The following GPHN variants were observed in gnomAD, a reference collection of about 807,000 sequenced individuals.
GPHN encodes gephyrin.
Under a neutral mutation model 95.5 loss-of-function variants are expected in GPHN, and 17 were observed. The ratio of observed to expected loss-of-function variants is 0.18; its 90% CI spans 0.12 to 0.27. The LOEUF (loss-of-function observed/expected upper bound fraction) is 0.27, where lower values mean the gene tolerates loss of function less well. Ranked by LOEUF, GPHN falls within the 10% of genes least tolerant of loss-of-function variation. The pLI is 1.00. For synonymous variants in GPHN, 320 were observed against 322.5 expected (o/e 0.99, Z 0.08); for missense variants, 660 against 978.1 (o/e 0.67, Z 4.34).
chr14:66,959,660 C>T (rs1229309265), intron 8 of GPHN, among the ~76,000 whole-genome samples: 2 of 152,018 alleles, frequency 1.3e-5, no homozygotes, highest in Admixed American at 6.6e-5. Context: ...TCAGAATTCT[C>T]TCTTCATCTT....
the GPHN span, among the ~76,000 whole-genome samples, chr14:67,407,899 A>G: frequency 1.3e-5 from 2 of 152,286 alleles, no homozygotes; most frequent in South Asian, 4.1e-4. Context: ...CTTGAGCTCA[A>G]GAGCTCAACA....
At chr14:66,768,409 T>G (rs2059041925) in intron 2 of GPHN, among the ~76,000 whole-genome samples, 1 of 151,992 alleles carries the variant, frequency 6.6e-6, no homozygotes, top group Non-Finnish European at 1.5e-5. Flanking sequence ...AAAATTCTAT[T>G]TCATACCTGC....
chr14:66,954,582 G>GTT (rs1463877186), intron 8 of GPHN, among the ~76,000 whole-genome samples: 2 of 152,142 alleles, frequency 1.3e-5, no homozygotes, highest in African/African-American at 4.8e-5. Flanking sequence ...TGTGAATATA[G>GTT]TTCTACGTCC....
At chr14:66,936,819 G>C (rs899708471) in intron 8 of GPHN, among the ~76,000 whole-genome samples, 2 of 152,146 alleles carry the variant, frequency 1.3e-5, no homozygotes, top group African/African-American at 4.8e-5. Flanking sequence ...AAGATATACA[G>C]GCCAATGAGT....
intron 8 of GPHN, among the ~76,000 whole-genome samples, chr14:66,937,471 C>T (rs1172675201): frequency 6.6e-6 from 1 of 151,816 alleles, no homozygotes; most frequent in Non-Finnish European, 1.5e-5. Context: ...ACCTCCACTT[C>T]CCGGGTTCAA....
chr14:66,701,102 G>C (rs1372821337), intron 2 of GPHN, among the ~76,000 whole-genome samples: 3 of 152,106 alleles, frequency 2.0e-5, no homozygotes, highest in Admixed American at 2.0e-4. Flanking sequence ...ATCTGTGCAT[G>C]CGCACATGTG....
At chr14:66,824,664 G>GTTATAAAA in intron 4 of GPHN, 98 bp downstream of exon 4, 1 of 650,862 alleles carries the variant, frequency 1.5e-6, no homozygotes, top group Non-Finnish European at 2.7e-6. Context: ...AACTTTGCTA[G>GTTATAAAA]GCATAACAAA....
chr14:67,561,293 G>A, the GPHN span, among the ~76,000 whole-genome samples: 19 of 152,332 alleles, frequency 1.2e-4, no homozygotes, highest in African/African-American at 4.6e-4. Context: ...CACACCTGTA[G>A]TCCCAGCAGC....
chr14:67,114,554 G>T (rs528913481), intron 16 of GPHN, among the ~76,000 whole-genome samples: 1 of 152,220 alleles, frequency 6.6e-6, no homozygotes, highest in South Asian at 2.1e-4. Context: ...GCTATGCATG[G>T]TAGCACATGC....
intron 9 of GPHN, among the ~76,000 whole-genome samples, chr14:67,014,222 T>A (rs2073173888): frequency 6.6e-6 from 1 of 151,912 alleles, no homozygotes. Flanking sequence ...AGCTACTCTC[T>A]AAGCAAGCAC....
intron 18 of GPHN, among the ~76,000 whole-genome samples, chr14:67,157,232 A>T (rs1433055945): frequency 6.6e-6 from 1 of 152,144 alleles, no homozygotes; most frequent in African/African-American, 2.4e-5. Context: ...GCAAATAGAG[A>T]AAATTAAGGT....
the GPHN span, among the ~76,000 whole-genome samples, chr14:67,501,373 AT>A: frequency 9.9e-4 from 151 of 152,158 alleles, no homozygotes; most frequent in African/African-American, 3.5e-3. Flanking sequence ...ATTTTTATTT[AT>A]TTATTTTTGA....
At chr14:66,661,120 C>T (rs919146786) in intron 1 of GPHN, among the ~76,000 whole-genome samples, 1 of 152,170 alleles carries the variant, frequency 6.6e-6, no homozygotes, top group Non-Finnish European at 1.5e-5. Flanking sequence ...TCCATATTTA[C>T]CCCTAGGAAG....
At chr14:67,362,184 T>C in the GPHN span, among the ~76,000 whole-genome samples, 1 of 151,932 alleles carries the variant, frequency 6.6e-6, no homozygotes, top group Non-Finnish European at 1.5e-5. Flanking sequence ...CACACCCAGC[T>C]AATTTTGGTA....
the GPHN span, among the ~76,000 whole-genome samples, chr14:67,255,699 G>C: frequency 6.6e-6 from 1 of 152,158 alleles, no homozygotes; most frequent in Non-Finnish European, 1.5e-5. Flanking sequence ...TTTTGTTTTT[G>C]AGATGGAGTC....
At chr14:67,627,456 T>A in the GPHN span, among the ~76,000 whole-genome samples, 35 of 152,236 alleles carry the variant, frequency 2.3e-4, no homozygotes, top group Admixed American at 1.4e-3. Flanking sequence ...CTTTTCAAGC[T>A]CTAGTTTTGG....
At chr14:67,729,290 C>T in the GPHN span, 35 of 1,604,394 alleles carry the variant, frequency 2.2e-5, no homozygotes, top group Non-Finnish European at 2.8e-5. Context: ...CTCTTCTCCC[C>T]CTTTGTCAAG....
At chr14:66,560,715 T>C (rs1422255714) in intron 1 of GPHN, among the ~76,000 whole-genome samples, 1 of 152,186 alleles carries the variant, frequency 6.6e-6, no homozygotes, top group African/African-American at 2.4e-5. Context: ...CCTCTTTTCC[T>C]AATTGAATAC....
intron 10 of GPHN, among the ~76,000 whole-genome samples, chr14:67,028,993 C>T (rs1274384990): frequency 1.3e-5 from 2 of 152,138 alleles, no homozygotes; most frequent in East Asian, 3.9e-4. Context: ...TTTTATAGTT[C>T]TCGTTCTTAT....
Sources: allele counts gnomAD v4.1 joint callset (sites outside exome capture counted in the v4.1 genomes callset), GRCh38; gene constraint gnomAD v4.1.1; transcripts MANE v1.5; gene names NCBI Gene and HGNC (gene_info 2026-07-23, HGNC 2026-07-21).